RHBDL2: variants seen among roughly 807,000 people sequenced by gnomAD.
The protein encoded by RHBDL2 is rhomboid like 2, also known as rhomboid-related protein 2.
Under a neutral mutation model 31.7 loss-of-function variants are expected in RHBDL2, and 26 were observed. The observed-to-expected ratio is 0.82, with a 90% CI of 0.60 to 1.14. RHBDL2 has a LOEUF of 1.14. RHBDL2 is among the 50% of genes most tolerant of loss of function. The pLI is 0.00. For missense variants in RHBDL2, 336 were observed against 364.4 expected, an observed-to-expected ratio of 0.92 and a Z score of 0.63; for synonymous variants, 123 against 127.2, an observed-to-expected ratio of 0.97 and a Z score of 0.22.
At chr1:38,912,405 C>T (rs978746292) in intron 3 of RHBDL2, among the ~76,000 whole-genome samples, 22 of 149,696 alleles carry the variant, frequency 1.5e-4, no homozygotes, top group Non-Finnish European at 2.7e-4. Flanking sequence ...GCGCCTGGCC[C>T]GTTTTTTTTT....
At chr1:38,915,517 G>T in intron 3 of RHBDL2, 45 bp downstream of exon 3, 1 of 1,591,420 alleles carries the variant, frequency 6.3e-7, no homozygotes, top group African/African-American at 1.3e-5. Flanking sequence ...AGGTTACAAT[G>T]ATATAATCAC....
In RHBDL2 at chr1:38,915,604, T is replaced by C. The variant is rs760880174; in HGVS notation, c.353A>G (p.Glu118Gly). 2 of 1,614,138 alleles carry C rather than the reference T, an allele frequency of 1.2e-6. No homozygotes were observed. The highest frequency in any genetic ancestry group is 1.7e-5 in the Admixed American group (1 of 60,006). The change falls in exon 3 of 8, where the codon GAG becomes GGG. Residue 118 changes from glutamate to glycine, a missense_variant. By Grantham distance (98) the Glu-to-Gly change is moderately conservative. Transcript: ENST00000372990. ...SPFIYSPEKR[E>G]EAWRFISYML... ...GTATGAGATAAACCTCCAGGCTTCC[T>C]CCCTCTTCTCAGGACTGTAGATAAA... is the stretch of plus-strand genomic sequence containing the variant.
chr1:38,902,037 C>A (rs1337725311), intron 4 of RHBDL2, among the ~76,000 whole-genome samples: 5 of 151,388 alleles, frequency 3.3e-5, no homozygotes, highest in Admixed American at 1.3e-4. Flanking sequence ...AATATTCTAC[C>A]CAACAACAAC....
At chr1:38,923,160 T>A (rs1035308635) in intron 1 of RHBDL2, among the ~76,000 whole-genome samples, 1 of 152,024 alleles carries the variant, frequency 6.6e-6, no homozygotes, top group African/African-American at 2.4e-5. Flanking sequence ...GTGCAATGTA[T>A]GAGGTATAAA....
At chr1:38,915,477 A>T in intron 3 of RHBDL2, 85 bp downstream of exon 3, 1 of 1,398,824 alleles carries the variant, frequency 7.1e-7, no homozygotes, top group African/African-American at 1.4e-5. Flanking sequence ...AAAGTGCCTT[A>T]TCAATAATAA....
intron 3 of RHBDL2, among the ~76,000 whole-genome samples, chr1:38,912,181 G>C (rs1042163437): frequency 3.9e-5 from 6 of 151,972 alleles, no homozygotes; most frequent in Admixed American, 3.9e-4. Context: ...ATGTTGGTCA[G>C]GCTGGCCTCA....
chr1:38,938,636 G>T (rs1017190590), intron 1 of RHBDL2, among the ~76,000 whole-genome samples: 2 of 152,034 alleles, frequency 1.3e-5, no homozygotes, highest in African/African-American at 2.4e-5. Context: ...GAAAAGAAAA[G>T]AAAATTTTTT....
At chr1:38,911,637 T>TGC (rs775041097) in intron 3 of RHBDL2, among the ~76,000 whole-genome samples, 4 of 51,096 alleles carry the variant, frequency 7.8e-5, no homozygotes, top group African/African-American at 2.3e-4. Context: ...TGTGTGTGTG[T>TGC]GTGTGTGTGC....
At chr1:38,932,578 G>C (rs9970116) in intron 1 of RHBDL2, among the ~76,000 whole-genome samples, 3,101 of 152,238 alleles carry the variant, frequency 0.02, 104 homozygotes, top group African/African-American at 0.071. Context: ...TTGTGCCTCA[G>C]CCTCCCAAGT....
chr1:38,900,560 G>A (rs576072947), intron 4 of RHBDL2, among the ~76,000 whole-genome samples: 33 of 152,152 alleles, frequency 2.2e-4, no homozygotes, highest in African/African-American at 7.2e-4. Context: ...GGCAGAGGTT[G>A]CAGTGAGCCA....
chr1:38,910,284 C>G (rs564567218), intron 4 of RHBDL2, among the ~76,000 whole-genome samples: 1 of 152,112 alleles, frequency 6.6e-6, no homozygotes, highest in Non-Finnish European at 1.5e-5. Context: ...ACTATATCAA[C>G]GTGGATATCC....
At chr1:38,893,114 A>G (rs1557608289) in intron 6 of RHBDL2, 50 bp downstream of exon 6, 2 of 1,063,380 alleles carry the variant, frequency 1.9e-6, no homozygotes, top group Admixed American at 1.8e-5. Context: ...ATTTGTCTCT[A>G]TATTTTATTT....
At chr1:38,897,581 G>T (rs1642935167) in intron 4 of RHBDL2, among the ~76,000 whole-genome samples, 1 of 152,054 alleles carries the variant, frequency 6.6e-6, no homozygotes, top group African/African-American at 2.4e-5. Context: ...CAAGCATGGT[G>T]GTACCCGCCT....
At position 38,929,377 on chromosome 1, in the gene RHBDL2, G is replaced by A. The variant is rs1299788643; in HGVS notation, c.-125-10040C>T. ...GGATTTGCCTCTTTGAGAAGCCAGA[G>A]GACTAAATCAGGCTCACCTTCCCTT... On this transcript the variant is annotated intron_variant, in intron 1 of 7. Coordinates refer to ENST00000372990, the MANE Select transcript of RHBDL2 (RefSeq NM_017821.5). 4.7e-6 allele frequency: 6 copies of A among 1,284,896 alleles called. No individual in the cohort carries two copies. The African/African-American group carries it at 9.1e-5, about 20-fold the overall frequency. 79.6% of individuals were successfully genotyped at this position (1,284,896 alleles called of 1,614,324 possible).
intron 4 of RHBDL2, among the ~76,000 whole-genome samples, chr1:38,907,495 G>A (rs143464422): frequency 0.051 from 7,701 of 152,202 alleles, 248 homozygotes; most frequent in Non-Finnish European, 0.062. Context: ...AGCCGAGATC[G>A]CGCCATCGCA....
intron 3 of RHBDL2, among the ~76,000 whole-genome samples, chr1:38,914,231 A>G (rs1404170282): frequency 6.6e-6 from 1 of 151,974 alleles, no homozygotes; most frequent in Non-Finnish European, 1.5e-5. Flanking sequence ...CAATATGTTC[A>G]TGAACTAAAT....
chr1:38,903,390 T>G (rs1161570704), intron 4 of RHBDL2, among the ~76,000 whole-genome samples: 1 of 152,166 alleles, frequency 6.6e-6, no homozygotes, highest in Non-Finnish European at 1.5e-5. Context: ...TCCACCTGCC[T>G]CAGCCTCCCA....
intron 3 of RHBDL2, among the ~76,000 whole-genome samples, chr1:38,914,944 G>A (rs535234320): frequency 1.1e-4 from 16 of 150,328 alleles, no homozygotes; most frequent in Admixed American, 8.0e-4. Flanking sequence ...CAGGAGAATC[G>A]CTCCAACCCA....
chr1:38,921,308 G>A (rs1247881301), intron 1 of RHBDL2, among the ~76,000 whole-genome samples: 1 of 152,198 alleles, frequency 6.6e-6, no homozygotes, highest in Non-Finnish European at 1.5e-5. Flanking sequence ...TTGAACCTGG[G>A]AGGCAGAGGT....
Sources: allele counts gnomAD v4.1 joint callset (sites outside exome capture counted in the v4.1 genomes callset), GRCh38; gene constraint gnomAD v4.1.1; transcripts MANE v1.5; gene names NCBI Gene and HGNC (gene_info 2026-07-23, HGNC 2026-07-21).